Variants in SMIM13 observed in about 807,000 individuals in gnomAD.
The protein encoded by SMIM13 is small integral membrane protein 13, also known as UPF0766 protein C6orf228.
Under a neutral mutation model 5.9 loss-of-function variants are expected in SMIM13, and 3 were observed. That is an observed-to-expected ratio of 0.51 (90% CI 0.23 to 1.31). The LOEUF (loss-of-function observed/expected upper bound fraction) is 1.31, where lower values mean the gene tolerates loss of function less well. SMIM13 is among the 40% of genes most tolerant of loss of function. SMIM13 has a pLI of 0.18. For missense variants in SMIM13, 85 were observed against 109.9 expected (o/e 0.77, Z 1.01); for synonymous variants, 55 against 46.0 (o/e 1.19, Z -0.79).
At chr6:11,114,694 GCTTAAGTGATTCTCGTGC>G (rs1194035102) in intron 1 of SMIM13, among the ~76,000 whole-genome samples, 17 of 145,452 alleles carry the variant, frequency 1.2e-4, no homozygotes, top group Admixed American at 7.1e-5. Flanking sequence ...CTCCTCCCAG[GCTTAAGTGATTCTCGTGC>G]CTCAGCCTCC....
intron 1 of SMIM13, among the ~76,000 whole-genome samples, chr6:11,125,210 G>GGAGGTTGCAGGGAGGCA (rs1184486182): frequency 3.3e-5 from 5 of 151,284 alleles, no homozygotes; most frequent in African/African-American, 1.2e-4. Context: ...CCCGGGAGGT[G>GGAGGTTGCAGGGAGGCA]GAGGTTGCAG....
chr6:11,129,072 C>T (rs553861550), intron 1 of SMIM13, among the ~76,000 whole-genome samples: 4 of 120,436 alleles, frequency 3.3e-5, no homozygotes, highest in Non-Finnish European at 3.6e-5. Context: ...GCATTGCTAC[C>T]GGGAGCGGGG....
chr6:11,099,162 C>A lies in SMIM13; in HGVS notation c.76+4773C>A, dbSNP rs188614248. On this transcript the variant is annotated intron_variant, in intron 1 of 1. Coordinates refer to ENST00000416247, the MANE Select transcript of SMIM13 (RefSeq NM_001135575.2). ...TCTAACTCTTATGTCTCTCCTGAGA[C>A]CCAGGCTCAATGCATCAGACTTTTT... Among the ~76,000 whole-genome samples, 36 of 152,188 alleles carry A rather than the reference C, an allele frequency of 2.4e-4. No individual in the cohort carries two copies. The East Asian group carries it at 6.6e-3, about 28-fold the overall frequency.
At chr6:11,105,105 T>A in intron 1 of SMIM13, 3 of 1,614,230 alleles carry the variant, frequency 1.9e-6, no homozygotes, top group Non-Finnish European at 2.5e-6. Flanking sequence ...TAATTCCGCC[T>A]CTATGCTTGT....
chr6:11,137,159 A>G lies in SMIM13; in HGVS notation c.*2557A>G, dbSNP rs541172437. The G allele has an allele frequency of 6.6e-6, 1 of 152,196 alleles. No individual in the cohort carries two copies. Among genetic ancestry groups the G allele is most frequent in the African/African-American group, 2.4e-5 (1 of 41,562 alleles). 9.4% of individuals were successfully genotyped at this position (152,196 alleles called of 1,614,324 possible). On this transcript the variant is annotated 3_prime_UTR_variant, in exon 2 of 2. Coordinates refer to ENST00000416247, the MANE Select transcript of SMIM13 (RefSeq NM_001135575.2). ...CTTATTTTATGTAATTTTAAGAAAT[A>G]CTCTATTTAACTTGTGAAATATACC...
chr6:11,117,746 C>CTTTTTTTTTTTTTTTTTTT (rs561151019), intron 1 of SMIM13, among the ~76,000 whole-genome samples: 1 of 141,034 alleles, frequency 7.1e-6, no homozygotes. Flanking sequence ...TATGGTCTAT[C>CTTTTTTTTTTTTTTTTTTT]TTTTTTTTTT....
At chr6:11,110,463 G>A (rs545257626) in intron 1 of SMIM13, among the ~76,000 whole-genome samples, 2 of 152,168 alleles carry the variant, frequency 1.3e-5, no homozygotes, top group Non-Finnish European at 2.9e-5. Flanking sequence ...TCTTTAAGAA[G>A]ACGAGAAGCC....
rs982789528 is a variant in SMIM13 at position 11,138,473 on chromosome 6, C to T, written c.*3871C>T. On this transcript the variant is annotated 3_prime_UTR_variant, in exon 2 of 2. Coordinates refer to ENST00000416247, the MANE Select transcript of SMIM13 (RefSeq NM_001135575.2). ...TTCACCAAATACTGCTGCTGTGATT[C>T]CTTGAAGGAAATATTCTGTGGTCTG... 4 of 152,036 alleles carry T rather than the reference C, an allele frequency of 2.6e-5. No homozygotes were observed. The highest frequency in any genetic ancestry group is 9.7e-5 in the African/African-American group (4 of 41,400). The allele number at this position is 152,036 out of a possible 1,614,324, so 9.4% of individuals were successfully genotyped here.
intron 1 of SMIM13, among the ~76,000 whole-genome samples, chr6:11,130,575 T>C (rs1758440923): frequency 6.6e-6 from 1 of 152,196 alleles, no homozygotes; most frequent in African/African-American, 2.4e-5. Context: ...CTCTCCAAAC[T>C]CTAGAGTTTT....
At chr6:11,134,333 A>C in intron 1 of SMIM13, 70 bp from the exon 2 acceptor site, 1 of 1,130,278 alleles carries the variant, frequency 8.8e-7, no homozygotes, top group Non-Finnish European at 1.3e-6. Flanking sequence ...ACCCCCCATT[A>C]ACTGTAACAT....
intron 1 of SMIM13, among the ~76,000 whole-genome samples, chr6:11,124,955 G>A (rs1561759154): frequency 6.6e-6 from 1 of 152,076 alleles, no homozygotes; most frequent in Non-Finnish European, 1.5e-5. Flanking sequence ...CTGTTCTAGG[G>A]TAAATTTTTT....
At chr6:11,130,278 AC>A (rs1758437158) in intron 1 of SMIM13, among the ~76,000 whole-genome samples, 1 of 150,686 alleles carries the variant, frequency 6.6e-6, no homozygotes, top group Non-Finnish European at 1.5e-5. Flanking sequence ...AACAACAACA[AC>A]AACAACAACT....
chr6:11,102,374 A>G (rs911141059), intron 1 of SMIM13: 9 of 152,258 alleles, frequency 5.9e-5, no homozygotes, highest in African/African-American at 2.2e-4. Context: ...CAAAGATAGT[A>G]GATTGAGGTA....
At chr6:11,116,371 AGAG>A (rs1405532326) in intron 1 of SMIM13, among the ~76,000 whole-genome samples, 4 of 152,196 alleles carry the variant, frequency 2.6e-5, no homozygotes, top group African/African-American at 9.7e-5. Context: ...CCCACATTCA[AGAG>A]GAGGAGTCAT....
chr6:11,123,888 ATAG>A (rs1404922534), intron 1 of SMIM13, among the ~76,000 whole-genome samples: 1 of 152,228 alleles, frequency 6.6e-6, no homozygotes, highest in African/African-American at 2.4e-5. Context: ...TTGTGGGTAC[ATAG>A]TAGGTACATA....
intron 1 of SMIM13, among the ~76,000 whole-genome samples, chr6:11,107,365 T>C (rs1171879892): frequency 3.3e-5 from 5 of 152,202 alleles, no homozygotes; most frequent in Non-Finnish European, 2.9e-5. Flanking sequence ...GTTTGGTGTT[T>C]GGACTAGATG....
At position 11,094,653 on chromosome 6, in the gene SMIM13, C is replaced by T. The variant is rs377652495; in HGVS notation, c.76+264C>T. ...GTGAAACTCAGCCTTGCTTCACCGG[C>T]AGCGTCTGCTCTTTCATTCTCACCA... On this transcript the variant is annotated intron_variant, in intron 1 of 1. Coordinates refer to ENST00000416247, the MANE Select transcript of SMIM13 (RefSeq NM_001135575.2). Among the ~76,000 whole-genome samples, 434 of 152,286 alleles carry T rather than the reference C, an allele frequency of 2.8e-3. 1 individual carries two copies. In the Middle Eastern group the frequency reaches 0.031, roughly 11 times the overall value.
chr6:11,126,204 C>T (rs1047647142), intron 1 of SMIM13, among the ~76,000 whole-genome samples: 2 of 152,184 alleles, frequency 1.3e-5, no homozygotes, highest in African/African-American at 4.8e-5. Context: ...TGCGTGCCAC[C>T]ACACCCAGCT....
chr6:11,136,896 T>C lies in SMIM13; in HGVS notation c.*2294T>C, dbSNP rs1758523982. ...GAGGATATTTAAATTAGATTTTTCATAGTCTATTGTTTTGAACTATGGATT... is the reference window on the plus strand; with the variant it reads ...GAGGATATTTAAATTAGATTTTTCACAGTCTATTGTTTTGAACTATGGATT... On this transcript the variant is annotated 3_prime_UTR_variant, in exon 2 of 2. Coordinates refer to ENST00000416247, the MANE Select transcript of SMIM13 (RefSeq NM_001135575.2). 6.6e-6 allele frequency: 1 copy of C among 152,078 alleles called. No homozygotes were observed. The highest frequency in any genetic ancestry group is 6.6e-5 in the Admixed American group (1 of 15,266). The allele number at this position is 152,078 out of a possible 1,614,324, so 9.4% of individuals were successfully genotyped here. A position where few individuals can be genotyped will look rare whatever the true frequency, so the allele number is the denominator to read the frequency against.
Sources: allele counts gnomAD v4.1 joint callset (sites outside exome capture counted in the v4.1 genomes callset), GRCh38; gene constraint gnomAD v4.1.1; transcripts MANE v1.5; gene names NCBI Gene and HGNC (gene_info 2026-07-23, HGNC 2026-07-21).